Variants in SGCD observed in about 807,000 individuals in gnomAD.
The protein encoded by SGCD is delta-sarcoglycan.
A neutral mutation model predicts 36.6 loss-of-function variants in SGCD; 18 were observed. The ratio of observed to expected loss-of-function variants is 0.49; its 90% CI spans 0.34 to 0.73. SGCD has a LOEUF of 0.73. SGCD is among the 30% of genes least tolerant of loss of function. The probability of loss-of-function intolerance (pLI) is 0.01; values close to 1 mark genes in which losing one functional copy is unlikely to be tolerated. For synonymous variants in SGCD, 133 were observed against 130.6 expected, an observed-to-expected ratio of 1.02 and a Z score of -0.12; for missense variants, 387 against 346.7, an observed-to-expected ratio of 1.12 and a Z score of -0.92.
At chr5:155,776,306 G>T in the SGCD span, among the ~76,000 whole-genome samples, 2 of 151,998 alleles carry the variant, frequency 1.3e-5, no homozygotes, top group Admixed American at 6.6e-5. Flanking sequence ...TATGGCCAAG[G>T]GTTCAGAGTA....
the SGCD span, among the ~76,000 whole-genome samples, chr5:155,820,166 C>T: frequency 1.3e-5 from 2 of 152,168 alleles, no homozygotes; most frequent in Non-Finnish European, 2.9e-5. Flanking sequence ...CTCAGCTCAA[C>T]TCTTTGAAAG....
At chr5:156,481,920 A>G (rs968845603) in intron 3 of SGCD, among the ~76,000 whole-genome samples, 1 of 152,122 alleles carries the variant, frequency 6.6e-6, no homozygotes, top group African/African-American at 2.4e-5. Flanking sequence ...CTGATCAGAC[A>G]CCACCTGCTT....
intron 4 of SGCD, among the ~76,000 whole-genome samples, chr5:156,588,671 G>A (rs977208015): frequency 2.6e-5 from 4 of 152,174 alleles, no homozygotes; most frequent in East Asian, 1.9e-4. Context: ...GGAAGAAAAC[G>A]GAGGCAGAAG....
At chr5:156,308,507 C>G (rs776561881) in intron 3 of SGCD, among the ~76,000 whole-genome samples, 1 of 152,090 alleles carries the variant, frequency 6.6e-6, no homozygotes, top group Non-Finnish European at 1.5e-5. Flanking sequence ...ACCGTGTTAG[C>G]CAGGATGGTC....
At chr5:156,307,920 A>C (rs1259569765) in intron 3 of SGCD, among the ~76,000 whole-genome samples, 1 of 151,986 alleles carries the variant, frequency 6.6e-6, no homozygotes, top group Non-Finnish European at 1.5e-5. Flanking sequence ...AAAAATGTGG[A>C]GTGAAAAACA....
At chr5:156,090,004 G>C (rs1270473368) in intron 1 of SGCD, among the ~76,000 whole-genome samples, 1 of 152,118 alleles carries the variant, frequency 6.6e-6, no homozygotes, top group Admixed American at 6.5e-5. Context: ...TTTAAAATCT[G>C]ACAAATCCAA....
chr5:156,545,194 A>C (rs557459447), intron 4 of SGCD, among the ~76,000 whole-genome samples: 3 of 152,302 alleles, frequency 2.0e-5, no homozygotes, highest in Non-Finnish European at 4.4e-5. Context: ...TTTTCACTTA[A>C]TATGGAGGGG....
intron 3 of SGCD, among the ~76,000 whole-genome samples, chr5:156,419,740 T>G (rs1223005677): frequency 1.3e-5 from 2 of 152,170 alleles, no homozygotes; most frequent in East Asian, 3.9e-4. Flanking sequence ...ATCCGTGTTT[T>G]TGATCTTTTA....
At chr5:156,236,543 G>A (rs191814170) in intron 3 of SGCD, among the ~76,000 whole-genome samples, 113 of 150,752 alleles carry the variant, frequency 7.5e-4, no homozygotes, top group Non-Finnish European at 1.1e-3. Flanking sequence ...TCTGCCTCCC[G>A]GGTTCATGCC....
chr5:156,386,886 G>T (rs116215922), intron 3 of SGCD, among the ~76,000 whole-genome samples: 38 of 152,318 alleles, frequency 2.5e-4, no homozygotes, highest in African/African-American at 8.2e-4. Context: ...AAACTGGTCA[G>T]CCAACTTAAG....
chr5:156,741,054 C>T (rs1756647143), intron 7 of SGCD, among the ~76,000 whole-genome samples: 1 of 152,166 alleles, frequency 6.6e-6, no homozygotes, highest in African/African-American at 2.4e-5. Flanking sequence ...AAGACCAGAG[C>T]TAACCTCTTC....
chr5:156,177,082 A>G (rs1561551392), intron 3 of SGCD, among the ~76,000 whole-genome samples: 2 of 152,070 alleles, frequency 1.3e-5, no homozygotes, highest in African/African-American at 4.8e-5. Context: ...GCTCACTGCA[A>G]CCTCCGCCTC....
Position 156,362,149 on chromosome 5 carries a change from A to G in SGCD, c.192+17472A>G, listed in dbSNP as rs1289515805. On this transcript the variant is annotated intron_variant, in intron 3 of 8. Coordinates refer to ENST00000337851, the MANE Select transcript of SGCD (RefSeq NM_000337.6). Reference sequence around the variant, plus strand: ...GAACACACACCCTAAGTAGGAGCCAATGAAGAAGCAACACACATGTACTTG... The same window carrying G: ...GAACACACACCCTAAGTAGGAGCCAGTGAAGAAGCAACACACATGTACTTG... Among the ~76,000 whole-genome samples the G allele has an allele frequency of 3.3e-5, 5 of 152,208 alleles. No individual in the cohort carries two copies. The East Asian group carries it at 7.7e-4, about 23-fold the overall frequency.
At chr5:155,964,996 A>G (rs1203377830) in intron 1 of SGCD, among the ~76,000 whole-genome samples, 1 of 152,070 alleles carries the variant, frequency 6.6e-6, no homozygotes, top group African/African-American at 2.4e-5. Context: ...TGGCCAGACA[A>G]GTAGGTACTG....
chr5:156,247,868 G>A (rs62382680), intron 3 of SGCD, among the ~76,000 whole-genome samples: 1 of 152,140 alleles, frequency 6.6e-6, no homozygotes, highest in African/African-American at 2.4e-5. Context: ...TAAGCCTTTG[G>A]GGACCCAGCC....
At chr5:155,905,536 C>T (rs1441658279) in intron 1 of SGCD, among the ~76,000 whole-genome samples, 1 of 152,006 alleles carries the variant, frequency 6.6e-6, no homozygotes, top group Non-Finnish European at 1.5e-5. Context: ...TCTCACGTGC[C>T]AATGAAGTCT....
At chr5:156,592,266 G>A (rs774467912) in intron 5 of SGCD, among the ~76,000 whole-genome samples, 15 of 152,030 alleles carry the variant, frequency 9.9e-5, no homozygotes, top group East Asian at 3.9e-4. Context: ...CAAACTGCTC[G>A]CCCTGTGCCC....
intron 1 of SGCD, among the ~76,000 whole-genome samples, chr5:156,103,289 G>A (rs1761565111): frequency 6.6e-6 from 1 of 152,070 alleles, no homozygotes; most frequent in Non-Finnish European, 1.5e-5. Flanking sequence ...GGGGTGCCAT[G>A]CCCAGTCCTG....
intron 4 of SGCD, among the ~76,000 whole-genome samples, chr5:156,514,116 A>G (rs1383976407): frequency 3.3e-5 from 5 of 152,254 alleles, no homozygotes; most frequent in Admixed American, 6.5e-5. Flanking sequence ...ACTAGTAGAT[A>G]GAACGAATGA....
Sources: allele counts gnomAD v4.1 joint callset (sites outside exome capture counted in the v4.1 genomes callset), GRCh38; gene constraint gnomAD v4.1.1; transcripts MANE v1.5; gene names NCBI Gene and HGNC (gene_info 2026-07-23, HGNC 2026-07-21).